The following RORA variants were observed in gnomAD, a reference collection of about 807,000 sequenced individuals.
The protein encoded by RORA is RAR related orphan receptor A, also known as nuclear receptor ROR-alpha.
RORA carries 7 observed loss-of-function variants against 69.5 expected under a neutral mutation model. The ratio of observed to expected loss-of-function variants is 0.10; its 90% CI spans 0.06 to 0.19. RORA has a LOEUF of 0.19. RORA is among the 10% of genes least tolerant of loss of function. The probability of loss-of-function intolerance (pLI) is 1.00; values close to 1 mark genes in which losing one functional copy is unlikely to be tolerated. For missense variants in RORA, 457 were observed against 663.0 expected, an observed-to-expected ratio of 0.69 and a Z score of 3.41; for synonymous variants, 261 against 240.8, an observed-to-expected ratio of 1.08 and a Z score of -0.78.
intron 1 of RORA, among the ~76,000 whole-genome samples, chr15:61,114,042 T>C (rs2079029836): frequency 6.6e-6 from 1 of 152,178 alleles, no homozygotes; most frequent in Non-Finnish European, 1.5e-5. Flanking sequence ...AGCAATATGG[T>C]CTCAACAGAA....
At chr15:60,934,757 C>T (rs1892472055) in intron 1 of RORA, among the ~76,000 whole-genome samples, 1 of 152,204 alleles carries the variant, frequency 6.6e-6, no homozygotes, top group Non-Finnish European at 1.5e-5. Context: ...AAATGAAAGC[C>T]CTCAAGCCAT....
In RORA at chr15:61,229,030, C is replaced by G. The variant is rs758263265; in HGVS notation, c.166+23G>C. On this transcript the variant is annotated intron_variant, in intron 1 of 10. Transcript: ENST00000335670. ...CGCCCGGGCTCCCGCCGCCCCCTCC[C>G]CAGCCCCTCTCCAGCCTCCTACCTC... is the stretch of plus-strand genomic sequence containing the variant. The G allele has an allele frequency of 3.5e-6, 5 of 1,448,262 alleles. No individual in the cohort carries two copies. In the Admixed American group the frequency reaches 9.2e-5, roughly 27 times the overall value. 89.7% of individuals were successfully genotyped at this position (1,448,262 alleles called of 1,614,324 possible).
At chr15:61,136,545 G>A (rs887458663) in intron 1 of RORA, among the ~76,000 whole-genome samples, 1 of 152,056 alleles carries the variant, frequency 6.6e-6, no homozygotes, top group African/African-American at 2.4e-5. Context: ...ACTACAATGA[G>A]ACAAAACACA....
At chr15:61,038,009 G>A (rs74631444) in intron 1 of RORA, among the ~76,000 whole-genome samples, 10,400 of 152,028 alleles carry the variant, frequency 0.068, 490 homozygotes, top group Non-Finnish European at 0.093. Context: ...CATTAACATG[G>A]GTGTGTTTAA....
chr15:60,964,698 G>A (rs1436842479), intron 1 of RORA, among the ~76,000 whole-genome samples: 2 of 152,210 alleles, frequency 1.3e-5, no homozygotes, highest in African/African-American at 4.8e-5. Context: ...GGCCTGAGCA[G>A]TTGCCAAGGG....
intron 1 of RORA, among the ~76,000 whole-genome samples, chr15:60,829,213 G>C (rs2073005801): frequency 6.6e-6 from 1 of 152,170 alleles, no homozygotes; most frequent in South Asian, 2.1e-4. Flanking sequence ...TTTTGCAGCA[G>C]GAAGGCTTCA....
intron 1 of RORA, among the ~76,000 whole-genome samples, chr15:60,989,236 T>C (rs1034359460): frequency 6.6e-6 from 1 of 152,186 alleles, no homozygotes; most frequent in African/African-American, 2.4e-5. Flanking sequence ...CCTTCTCCTC[T>C]CATGTCCTCT....
chr15:60,705,801 A>G (rs1291121702), intron 1 of RORA, among the ~76,000 whole-genome samples: 2 of 152,250 alleles, frequency 1.3e-5, no homozygotes, highest in African/African-American at 2.4e-5. Flanking sequence ...AAAGGGAAGT[A>G]TAATCTATTT....
intron 2 of RORA, among the ~76,000 whole-genome samples, chr15:60,623,621 C>G (rs1435040783): frequency 6.6e-6 from 1 of 152,146 alleles, no homozygotes; most frequent in Non-Finnish European, 1.5e-5. Flanking sequence ...TGGCCTGGCT[C>G]CAGAGCCAGG....
At chr15:60,829,046 G>A (rs2073003344) in intron 1 of RORA, among the ~76,000 whole-genome samples, 1 of 152,192 alleles carries the variant, frequency 6.6e-6, no homozygotes. Flanking sequence ...GTCGGGGGGA[G>A]TGATGCCTTG....
At chr15:60,616,506 C>G (rs2069247792) in intron 2 of RORA, among the ~76,000 whole-genome samples, 1 of 152,132 alleles carries the variant, frequency 6.6e-6, no homozygotes, top group Non-Finnish European at 1.5e-5. Flanking sequence ...GAAAATATTC[C>G]TTGAGTCCTT....
Position 60,722,079 on chromosome 15 carries a change from T to C in RORA, c.167-43393A>G, listed in dbSNP as rs191947354. On this transcript the variant is annotated intron_variant, in intron 1 of 10. Coordinates refer to ENST00000335670, the MANE Select transcript of RORA (RefSeq NM_134261.3). ...GAAACTATACCAATACCTTTTCTACTGAAAACCTATCAAAGAAATAACATC... is the reference window on the plus strand; with the variant it reads ...GAAACTATACCAATACCTTTTCTACCGAAAACCTATCAAAGAAATAACATC... Among the ~76,000 whole-genome samples, 8 of 152,382 alleles carry C rather than the reference T, an allele frequency of 5.2e-5. No homozygotes were observed. The East Asian group carries it at 1.5e-3, about 29-fold the overall frequency.
intron 2 of RORA, among the ~76,000 whole-genome samples, chr15:60,542,659 T>C (rs1248745461): frequency 2.1e-5 from 2 of 95,750 alleles, no homozygotes; most frequent in Admixed American, 1.0e-4. Context: ...CGGGCACACC[T>C]CACACACATG....
intron 2 of RORA, among the ~76,000 whole-genome samples, chr15:60,655,663 C>T (rs761381319): frequency 4.6e-5 from 7 of 152,142 alleles, no homozygotes; most frequent in Non-Finnish European, 8.8e-5. Flanking sequence ...TCTCCTACTA[C>T]TTCTACCTTC....
At chr15:61,201,633 T>A (rs1169881797) in intron 1 of RORA, among the ~76,000 whole-genome samples, 1 of 152,086 alleles carries the variant, frequency 6.6e-6, no homozygotes, top group Non-Finnish European at 1.5e-5. Context: ...TGCTTAGTAA[T>A]TTTTTTTCTA....
chr15:60,543,494 C>G (rs567866062), intron 2 of RORA, among the ~76,000 whole-genome samples: 1 of 150,460 alleles, frequency 6.6e-6, no homozygotes, highest in African/African-American at 2.4e-5. Context: ...TTTTTTTTTT[C>G]TTTAGACAGG....
intron 1 of RORA, among the ~76,000 whole-genome samples, chr15:61,178,535 T>C (rs1198634797): frequency 6.6e-6 from 1 of 152,146 alleles, no homozygotes; most frequent in Admixed American, 6.5e-5. Context: ...TTCAAGGATA[T>C]TGGAAAATAC....
At chr15:60,623,166 G>A (rs147224750) in intron 2 of RORA, among the ~76,000 whole-genome samples, 132 of 152,290 alleles carry the variant, frequency 8.7e-4, no homozygotes, top group African/African-American at 3.0e-3. Flanking sequence ...AAAGAGCCAG[G>A]ATAGCAGTGA....
intron 1 of RORA, among the ~76,000 whole-genome samples, chr15:60,856,197 A>G (rs1406528526): frequency 6.6e-6 from 1 of 152,242 alleles, no homozygotes; most frequent in Non-Finnish European, 1.5e-5. Flanking sequence ...TTAAAAGACA[A>G]TGAAAAGAGC....
Sources: gnomAD v4.1 joint callset for allele counts (sites outside exome capture counted in the v4.1 genomes callset) on GRCh38, gnomAD v4.1.1 for gene constraint, MANE v1.5 for transcripts, NCBI Gene and HGNC (gene_info 2026-07-23, HGNC 2026-07-21) for gene names.